CFAP95: variants seen among roughly 807,000 people sequenced by gnomAD.
CFAP95 encodes the protein cilia- and flagella-associated protein 95.
chr9:69,857,850 T>C, the CFAP95 span: 75 of 1,527,788 alleles, frequency 4.9e-5, no homozygotes, highest in Non-Finnish European at 5.3e-5. Context: ...TTACATGGCT[T>C]TGAAAGTTTA....
chr9:69,872,488 C>A, the CFAP95 span, among the ~76,000 whole-genome samples: 1 of 152,166 alleles, frequency 6.6e-6, no homozygotes, highest in Non-Finnish European at 1.5e-5. Context: ...GGCTCCATGA[C>A]TGCTTAGTTG....
At chr9:69,889,862 T>G in the CFAP95 span, among the ~76,000 whole-genome samples, 1 of 152,124 alleles carries the variant, frequency 6.6e-6, no homozygotes, top group Admixed American at 6.6e-5. Flanking sequence ...AATCTTCATT[T>G]AAGGGTAAAA....
the CFAP95 span, chr9:69,821,012 C>G: frequency 1.5e-5 from 24 of 1,613,498 alleles, no homozygotes; most frequent in Non-Finnish European, 2.0e-5. Flanking sequence ...ATACTCGAAG[C>G]CGGTGTTGGT....
At chr9:69,879,476 G>A in the CFAP95 span, among the ~76,000 whole-genome samples, 1 of 152,082 alleles carries the variant, frequency 6.6e-6, no homozygotes. Flanking sequence ...TATTCAGGAG[G>A]TTCGGGGGGA....
the CFAP95 span, among the ~76,000 whole-genome samples, chr9:69,843,016 G>A: frequency 4.6e-4 from 70 of 152,182 alleles, no homozygotes; most frequent in African/African-American, 1.4e-3. Flanking sequence ...CTTTGGATTC[G>A]GTGCCCAACC....
chr9:69,831,633 G>A, the CFAP95 span, among the ~76,000 whole-genome samples: 3 of 152,154 alleles, frequency 2.0e-5, no homozygotes, highest in South Asian at 2.1e-4. Context: ...TTAGCGGTAA[G>A]CAGGTTGCTC....
the CFAP95 span, chr9:69,856,696 C>T: frequency 1.9e-4 from 293 of 1,536,834 alleles, no homozygotes; most frequent in South Asian, 5.8e-5. Context: ...CTTTTCTTTA[C>T]TTTATAGAAT....
the CFAP95 span, among the ~76,000 whole-genome samples, chr9:69,882,259 G>A: frequency 6.6e-6 from 1 of 152,106 alleles, no homozygotes; most frequent in African/African-American, 2.4e-5. Context: ...GGGGGCATGA[G>A]CCACCATGCC....
At chr9:69,882,747 C>T in the CFAP95 span, among the ~76,000 whole-genome samples, 1 of 152,274 alleles carries the variant, frequency 6.6e-6, no homozygotes, top group East Asian at 1.9e-4. Context: ...TGATGTATCA[C>T]ACTGATAGAT....
the CFAP95 span, among the ~76,000 whole-genome samples, chr9:69,896,343 A>T: frequency 6.6e-6 from 1 of 152,268 alleles, no homozygotes; most frequent in African/African-American, 2.4e-5. Flanking sequence ...GATGCTGGCC[A>T]TAACAAAAAT....
chr9:69,826,455 C>T, the CFAP95 span, among the ~76,000 whole-genome samples: 1 of 152,164 alleles, frequency 6.6e-6, no homozygotes, highest in Non-Finnish European at 1.5e-5. Context: ...TCCCATCTTT[C>T]TACATCTCCA....
the CFAP95 span, chr9:69,821,141 C>T: frequency 6.7e-6 from 8 of 1,199,312 alleles, no homozygotes; most frequent in Non-Finnish European, 8.9e-6. Flanking sequence ...GGAGTGGAGA[C>T]GACAGAGGAA....
the CFAP95 span, among the ~76,000 whole-genome samples, chr9:69,843,619 TTCTTCTTCTTCC>T: frequency 0.025 from 1,436 of 57,764 alleles, 121 homozygotes; most frequent in Middle Eastern, 0.051. Context: ...CTTCTTCTTC[TTCTTCTTCTTCC>T]TCCTCCTCCT....
the CFAP95 span, among the ~76,000 whole-genome samples, chr9:69,862,244 A>G: frequency 2.0e-5 from 3 of 152,214 alleles, no homozygotes. Context: ...TTTAGAGCCA[A>G]AAGTTGTTCT....
the CFAP95 span, chr9:69,857,885 T>C: frequency 1.2e-6 from 2 of 1,609,296 alleles, no homozygotes; most frequent in African/African-American, 1.3e-5. Flanking sequence ...ACAAGTTTTC[T>C]AAAAAAATGT....
the CFAP95 span, among the ~76,000 whole-genome samples, chr9:69,901,931 G>T: frequency 6.6e-6 from 1 of 152,138 alleles, no homozygotes; most frequent in South Asian, 2.1e-4. Context: ...ACATTTCTCT[G>T]ATGGCCAATG....
At chr9:69,894,546 A>G in the CFAP95 span, among the ~76,000 whole-genome samples, 1 of 152,204 alleles carries the variant, frequency 6.6e-6, no homozygotes, top group Non-Finnish European at 1.5e-5. Context: ...TACATGTATT[A>G]GCTCACTTAA....
At chr9:69,840,468 A>C in the CFAP95 span, among the ~76,000 whole-genome samples, 2 of 151,854 alleles carry the variant, frequency 1.3e-5, no homozygotes, top group Admixed American at 6.6e-5. Flanking sequence ...TTCATTTGAG[A>C]CTCTCAAGGT....
the CFAP95 span, among the ~76,000 whole-genome samples, chr9:69,868,475 T>C: frequency 1.3e-5 from 2 of 152,018 alleles, no homozygotes; most frequent in African/African-American, 2.4e-5. Flanking sequence ...CTGGCCAACA[T>C]GGTGAAACCC....
Sources: gnomAD v4.1 joint callset for allele counts (sites outside exome capture counted in the v4.1 genomes callset) on GRCh38, gnomAD v4.1.1 for gene constraint, MANE v1.5 for transcripts, NCBI Gene and HGNC (gene_info 2026-07-23, HGNC 2026-07-21) for gene names.